The following KLF17 variants were observed in gnomAD, a reference collection of about 807,000 sequenced individuals.
KLF17 encodes the protein Krueppel-like factor 17.
A neutral mutation model predicts 34.2 loss-of-function variants in KLF17; 31 were observed. The ratio of observed to expected loss-of-function variants is 0.91; its 90% CI spans 0.68 to 1.22. KLF17 has a LOEUF of 1.22. KLF17 is among the 50% of genes most tolerant of loss of function. The probability of loss-of-function intolerance (pLI) is 0.00; values close to 1 mark genes in which losing one functional copy is unlikely to be tolerated. For synonymous variants in KLF17, 179 were observed against 186.7 expected, an observed-to-expected ratio of 0.96 and a Z score of 0.34; for missense variants, 478 against 505.2, an observed-to-expected ratio of 0.95 and a Z score of 0.52.
At chr1:44,099,885 G>GAAAGAAAGAAAGAAAGAA in the KLF17 span, among the ~76,000 whole-genome samples, 1 of 57,762 alleles carries the variant, frequency 1.7e-5, no homozygotes, top group East Asian at 5.8e-4. Context: ...AAGAAAGAAA[G>GAAAGAAAGAAAGAAAGAA]AAAGAAAGAA....
At chr1:44,115,461 A>AAAC (rs2087871036), upstream of KLF17, 2 of 151,186 alleles carry the variant, frequency 1.3e-5, no homozygotes, top group South Asian at 4.2e-4. Context: ...AAAAAAAAAA[A>AAAC]AAAAAAAAAA....
the KLF17 span, among the ~76,000 whole-genome samples, chr1:44,084,520 A>C: frequency 2.0e-5 from 3 of 151,732 alleles, no homozygotes; most frequent in East Asian, 5.9e-4. Context: ...AAATTCAAAA[A>C]ATTTTGAAAG....
chr1:44,083,104 C>T, the KLF17 span, among the ~76,000 whole-genome samples: 1 of 151,456 alleles, frequency 6.6e-6, no homozygotes, highest in Non-Finnish European at 1.5e-5. Flanking sequence ...CCACACCCAG[C>T]TAATTAAAAA....
the KLF17 span, among the ~76,000 whole-genome samples, chr1:44,089,774 A>G: frequency 6.6e-6 from 1 of 152,170 alleles, no homozygotes; most frequent in Admixed American, 6.5e-5. Flanking sequence ...AGCAAATAAC[A>G]TCCTGTGGGC....
chr1:44,103,691 C>T, the KLF17 span: 10 of 1,603,218 alleles, frequency 6.2e-6, no homozygotes, highest in Middle Eastern at 2.0e-4. Flanking sequence ...CCTGCTTGGC[C>T]GGCTGGAGGG....
At chr1:44,066,693 C>G in the KLF17 span, among the ~76,000 whole-genome samples, 1 of 152,134 alleles carries the variant, frequency 6.6e-6, no homozygotes, top group Non-Finnish European at 1.5e-5. Flanking sequence ...AATTCTTGCA[C>G]AGGTACATCA....
chr1:44,101,722 G>A, the KLF17 span: 2 of 152,154 alleles, frequency 1.3e-5, no homozygotes, highest in African/African-American at 4.8e-5. Context: ...CATATAAAAT[G>A]CTCAGTTAAA....
At chr1:44,114,630 G>A (rs1405128365), upstream of KLF17, 1 of 152,212 alleles carries the variant, frequency 6.6e-6, no homozygotes, top group East Asian at 1.9e-4. Flanking sequence ...GGGGCCCCTT[G>A]GCATATTAAA....
At position 44,130,687 on chromosome 1, in the gene KLF17, G is replaced by T. The variant is rs750521398; in HGVS notation, c.1101G>T (p.Pro367=). ...HLKQHQKTHR[P]GPSDPQANNN... ...AGCAACACCAGAAGACTCATCGGCCGGGACCCTCAGACCCACAGGCCAACA... is the reference window on the plus strand; with the variant it reads ...AGCAACACCAGAAGACTCATCGGCCTGGACCCTCAGACCCACAGGCCAACA... The change falls in exon 3 of 4, where the codon CCG becomes CCT. Residue 367 remains proline, a synonymous_variant. Transcript: ENST00000372299. The T allele has an allele frequency of 1.9e-6, 3 of 1,613,136 alleles. No individual in the cohort carries two copies. In the Admixed American group the frequency reaches 5.0e-5, roughly 27 times the overall value.
the KLF17 span, among the ~76,000 whole-genome samples, chr1:44,069,482 G>T: frequency 1.4e-5 from 2 of 138,760 alleles, no homozygotes; most frequent in East Asian, 4.1e-4. This position sits in a 1 kb window ranked among gnomAD's most constrained non-coding sequence, Gnocchi z 4.7. Context: ...GAGAGAGAGA[G>T]AGAGAGAGAG....
the KLF17 span, among the ~76,000 whole-genome samples, chr1:44,087,765 TATATACAC>T: frequency 2.4e-3 from 132 of 55,436 alleles, no homozygotes; most frequent in Non-Finnish European, 3.4e-3. Flanking sequence ...TATATATATA[TATATACAC>T]ACACACACAC....
intron 3 of KLF17, among the ~76,000 whole-genome samples, chr1:44,130,988 G>A (rs2088103062): frequency 6.6e-6 from 1 of 152,066 alleles, no homozygotes; most frequent in African/African-American, 2.4e-5. Flanking sequence ...GTAGAGACGG[G>A]GTTTCACTGT....
the KLF17 span, among the ~76,000 whole-genome samples, chr1:44,113,489 G>A: frequency 1.3e-5 from 2 of 152,126 alleles, no homozygotes; most frequent in African/African-American, 4.8e-5. Context: ...TGGGTAACCC[G>A]GGGCAGTGCA....
the KLF17 span, among the ~76,000 whole-genome samples, chr1:44,068,330 G>A: frequency 1.1e-4 from 17 of 152,230 alleles, no homozygotes; most frequent in Non-Finnish European, 1.8e-4. Context: ...TTTCATCAGC[G>A]TCTCATTCCA....
At chr1:44,059,516 C>T in the KLF17 span, among the ~76,000 whole-genome samples, 5 of 152,168 alleles carry the variant, frequency 3.3e-5, no homozygotes, top group African/African-American at 1.2e-4. Flanking sequence ...GTGCACAGTT[C>T]TACCTTCTGG....
chr1:44,110,669 G>A, the KLF17 span: 7 of 152,048 alleles, frequency 4.6e-5, no homozygotes, highest in African/African-American at 1.4e-4. Flanking sequence ...ACTCCAGCCT[G>A]GACAACGAGA....
At chr1:44,047,992 T>TTGTGTGTGTG in the KLF17 span, 2 of 129,134 alleles carry the variant, frequency 1.5e-5, no homozygotes, top group African/African-American at 5.7e-5. Context: ...TAAGAGAACA[T>TTGTGTGTGTG]TGTGTGTGTA....
the KLF17 span, among the ~76,000 whole-genome samples, chr1:44,085,168 G>A: frequency 2.0e-5 from 3 of 151,926 alleles, no homozygotes; most frequent in Non-Finnish European, 4.4e-5. Flanking sequence ...AGTTGTAGTT[G>A]CTGGAGATAA....
At chr1:44,052,976 C>A in the KLF17 span, among the ~76,000 whole-genome samples, 21 of 151,110 alleles carry the variant, frequency 1.4e-4, no homozygotes, top group South Asian at 4.4e-3. Flanking sequence ...TCTCGACTTG[C>A]CACAACCTCT....
Sources: allele counts gnomAD v4.1 joint callset (sites outside exome capture counted in the v4.1 genomes callset), GRCh38; gene constraint gnomAD v4.1.1; non-coding constraint Gnocchi (gnomAD v3.1); transcripts MANE v1.5; gene names NCBI Gene and HGNC (gene_info 2026-07-23, HGNC 2026-07-21).